The following TOM1L2 variants were observed in gnomAD, a reference collection of about 807,000 sequenced individuals.
TOM1L2 encodes TOM1-like protein 2.
A neutral mutation model predicts 67.9 loss-of-function variants in TOM1L2; 31 were observed. That is an observed-to-expected ratio of 0.46 (90% confidence interval 0.34 to 0.62). The LOEUF (loss-of-function observed/expected upper bound fraction) is 0.62. Ranked by LOEUF, TOM1L2 falls within the 20% of genes least tolerant of loss-of-function variation. TOM1L2 has a pLI of 0.01. For missense variants in TOM1L2, 606 were observed against 663.5 expected, an observed-to-expected ratio of 0.91 and a Z score of 0.95; for synonymous variants, 256 against 254.0, an observed-to-expected ratio of 1.01 and a Z score of -0.07.
Position 17,962,473 on chromosome 17 carries a change from C to T in TOM1L2, c.52+9789G>A, listed in dbSNP as rs1597475845. Among the ~76,000 whole-genome samples the T allele has an allele frequency of 2.6e-5, 4 of 151,996 alleles. No homozygotes were observed. In the South Asian group the frequency reaches 6.2e-4, roughly 24 times the overall value. On this transcript the variant is annotated intron_variant, in intron 1 of 14. Transcript: ENST00000379504. ...GACTACAGGCGCACACTGCCATGCC[C>T]GGCTAATTTTTTTGTATTTTAGTAG...
At chr17:17,869,246 C>CT in intron 8 of TOM1L2, 94 bp downstream of exon 8, 1 of 1,577,280 alleles carries the variant, frequency 6.3e-7, no homozygotes, top group South Asian at 1.1e-5. Flanking sequence ...CTCTCTCCCT[C>CT]TCCCTCTCTT....
At chr17:17,896,442 G>A (rs1319507006) in intron 3 of TOM1L2, among the ~76,000 whole-genome samples, 1 of 152,160 alleles carries the variant, frequency 6.6e-6, no homozygotes, top group East Asian at 1.9e-4. Context: ...CGCCATTAGG[G>A]AATACATGCT....
intron 1 of TOM1L2, among the ~76,000 whole-genome samples, chr17:17,942,638 TTA>T (rs2040781476): frequency 6.6e-6 from 1 of 152,212 alleles, no homozygotes; most frequent in African/African-American, 2.4e-5. Context: ...ATGAGGCTAC[TTA>T]GTAGGCTCAG....
chr17:17,893,607 T>A, intron 4 of TOM1L2, 54 bp downstream of exon 4: 2 of 1,535,542 alleles, frequency 1.3e-6, no homozygotes, highest in Admixed American at 3.7e-5. Context: ...GACTCATCAA[T>A]AAGAGACTTC....
At chr17:17,908,030 T>C (rs2039174157) in intron 1 of TOM1L2, among the ~76,000 whole-genome samples, 1 of 152,214 alleles carries the variant, frequency 6.6e-6, no homozygotes, top group African/African-American at 2.4e-5. Flanking sequence ...ACTATACAGG[T>C]ATTTGCTATT....
chr17:17,854,908 G>A (rs184787643), intron 12 of TOM1L2, among the ~76,000 whole-genome samples: 17 of 152,250 alleles, frequency 1.1e-4, no homozygotes, highest in East Asian at 9.6e-4. Context: ...CTGAAGAAGC[G>A]TATGAGTTGG....
At chr17:17,889,714 C>T (rs1177249178) in intron 4 of TOM1L2, among the ~76,000 whole-genome samples, 1 of 152,178 alleles carries the variant, frequency 6.6e-6, no homozygotes, top group Non-Finnish European at 1.5e-5. Context: ...GGCTGTACCC[C>T]ACTCCACCCC....
At chr17:17,860,087 C>T (rs575501141) in intron 12 of TOM1L2, 2 of 152,384 alleles carry the variant, frequency 1.3e-5, no homozygotes, top group Non-Finnish European at 2.9e-5. Flanking sequence ...AGGTCCTGGA[C>T]CCAGAGTGAG....
intron 1 of TOM1L2, among the ~76,000 whole-genome samples, chr17:17,946,172 C>G (rs2040941851): frequency 6.6e-6 from 1 of 152,080 alleles, no homozygotes; most frequent in East Asian, 1.9e-4. Context: ...ACCACCGCAC[C>G]CTGCCGTAAT....
chr17:17,950,579 A>G (rs567396924), intron 1 of TOM1L2, among the ~76,000 whole-genome samples: 70 of 152,168 alleles, frequency 4.6e-4, no homozygotes, highest in Non-Finnish European at 4.0e-4. Context: ...GTATGCTCCC[A>G]TTCTAATGAG....
intron 2 of TOM1L2, among the ~76,000 whole-genome samples, chr17:17,899,506 T>C (rs1045549097): frequency 5.9e-5 from 9 of 152,254 alleles, no homozygotes; most frequent in African/African-American, 2.2e-4. Context: ...ATTACTCTTA[T>C]ACCTTAGAGT....
At chr17:17,882,964 C>T (rs943641446) in intron 5 of TOM1L2, 101 bp from the exon 6 acceptor site, 21 of 1,442,698 alleles carry the variant, frequency 1.5e-5, no homozygotes, top group Non-Finnish European at 1.8e-5. Flanking sequence ...AGGCTGCCCA[C>T]GAAAGGCTCA....
Position 17,869,308 on chromosome 17 carries a change from G to C in TOM1L2, c.911+32C>G, listed in dbSNP as rs1276115376. 4.6e-6 allele frequency: 7 copies of C among 1,517,094 alleles called. No homozygotes were observed. In the African/African-American group the frequency reaches 8.6e-5, roughly 19 times the overall value. 94.0% of individuals were successfully genotyped at this position (1,517,094 alleles called of 1,614,324 possible). On this transcript the variant is annotated intron_variant, in intron 8 of 14. Transcript: ENST00000379504. ...TGTTATGGCAACAATCTTTTCAAGGGAAAAAAAAAAAAAAAGAAATCCGGC... is the reference window on the plus strand; with the variant it reads ...TGTTATGGCAACAATCTTTTCAAGGCAAAAAAAAAAAAAAAGAAATCCGGC...
chr17:17,850,508 AC>A (rs2035902492), intron 13 of TOM1L2, among the ~76,000 whole-genome samples: 2 of 151,904 alleles, frequency 1.3e-5, no homozygotes, highest in Non-Finnish European at 2.9e-5. Flanking sequence ...ACAAAACAAA[AC>A]AAAACAAAAA....
chr17:17,898,704 C>T, intron 2 of TOM1L2, 30 bp from the exon 3 acceptor site: 2 of 1,611,854 alleles, frequency 1.2e-6, no homozygotes, highest in Non-Finnish European at 1.7e-6. Flanking sequence ...TATAAAGATA[C>T]TTACAATCCC....
chr17:17,916,501 TC>T (rs2039635751), intron 1 of TOM1L2, among the ~76,000 whole-genome samples: 1 of 152,218 alleles, frequency 6.6e-6, no homozygotes, highest in Non-Finnish European at 1.5e-5. Context: ...TATTCAGTTT[TC>T]CCAGCACCAT....
chr17:17,920,555 G>T (rs923488804), intron 1 of TOM1L2, among the ~76,000 whole-genome samples: 3 of 151,870 alleles, frequency 2.0e-5, no homozygotes, highest in African/African-American at 7.3e-5. Flanking sequence ...GGCCAGGCTG[G>T]TCTCGAACTC....
At chr17:17,867,994 G>T (rs1331715026) in intron 8 of TOM1L2, among the ~76,000 whole-genome samples, 1 of 152,072 alleles carries the variant, frequency 6.6e-6, no homozygotes, top group Non-Finnish European at 1.5e-5. Context: ...CCAGCCCCAG[G>T]CTTTGCCTCT....
chr17:17,899,358 T>C (rs965789033), intron 2 of TOM1L2, among the ~76,000 whole-genome samples: 1 of 152,146 alleles, frequency 6.6e-6, no homozygotes, highest in Non-Finnish European at 1.5e-5. Context: ...CCAACAAGTT[T>C]TGTGTTTTTA....
Sources: gnomAD v4.1 joint callset for allele counts (sites outside exome capture counted in the v4.1 genomes callset) on GRCh38, gnomAD v4.1.1 for gene constraint, MANE v1.5 for transcripts, NCBI Gene and HGNC (gene_info 2026-07-23, HGNC 2026-07-21) for gene names.